Variants in AFF2 observed in about 807,000 individuals in gnomAD.
AFF2 encodes ALF transcription elongation factor 2, also known as AF4/FMR2 family member 2.
AFF2 carries 14 observed loss-of-function variants against 76.9 expected under a neutral mutation model. The ratio of observed to expected loss-of-function variants is 0.18; its 90% confidence interval spans 0.12 to 0.28. AFF2 has a LOEUF of 0.28. AFF2 is among the 10% of genes least tolerant of loss of function. The pLI, the probability that AFF2 is intolerant of heterozygous loss-of-function variation, is 1.00. For synonymous variants in AFF2, 398 were observed against 366.7 expected (o/e 1.09, Z -0.98); for missense variants, 868 against 1,001.1 (o/e 0.87, Z 1.79).
intron 3 of AFF2, among the ~76,000 whole-genome samples, chrX:148,671,798 A>G (rs992763781): frequency 1.2e-4 from 13 of 109,127 alleles, no homozygotes; most frequent in African/African-American, 4.4e-4. Context: ...GGTAACAGCT[A>G]TATGCTGAAT....
In AFF2 at chrX:148,705,275, G is replaced by T. The variant is rs781939793; in HGVS notation, c.1041+42507G>T. On this transcript the variant is annotated intron_variant, in intron 3 of 20. Coordinates refer to ENST00000370460, the MANE Select transcript of AFF2 (RefSeq NM_002025.4). ...AAATGTTTGTGAATCAAGTCAACTG[G>T]AATCAAATGGAATCCAAGTATATAA... Among the ~76,000 whole-genome samples the T allele has an allele frequency of 2.2e-4, 25 of 111,803 alleles. No homozygotes were observed. The East Asian group carries it at 6.5e-3, about 29-fold the overall frequency.
At chrX:148,717,763 CT>C (rs1243085431) in intron 3 of AFF2, among the ~76,000 whole-genome samples, 2 of 111,011 alleles carry the variant, frequency 1.8e-5, no homozygotes, top group Non-Finnish European at 3.8e-5. Context: ...GGCAATGTGC[CT>C]GGATGTGAGT....
At chrX:148,535,672 T>C (rs1441398263) in intron 1 of AFF2, among the ~76,000 whole-genome samples, 1 of 112,368 alleles carries the variant, frequency 8.9e-6, no homozygotes, top group Non-Finnish European at 1.9e-5. Flanking sequence ...ATATGTAGTG[T>C]ATAGAAGATT....
chrX:148,612,488 A>G (rs12391598), intron 1 of AFF2, among the ~76,000 whole-genome samples: 30,710 of 111,431 alleles, frequency 0.28, 3,729 homozygotes, highest in African/African-American at 0.49. Context: ...AAACTAAGAA[A>G]TATATGCAAC....
intron 9 of AFF2, among the ~76,000 whole-genome samples, chrX:148,908,723 T>C (rs2071437303): frequency 8.9e-6 from 1 of 112,332 alleles, no homozygotes; most frequent in Non-Finnish European, 1.9e-5. Flanking sequence ...TATGAACATG[T>C]GTGTGGTTTC....
At chrX:148,853,895 C>A (rs1300707022) in intron 7 of AFF2, among the ~76,000 whole-genome samples, 1 of 111,843 alleles carries the variant, frequency 8.9e-6, no homozygotes, top group Non-Finnish European at 1.9e-5. Context: ...AAACATTGTT[C>A]AATTTAGTAA....
intron 1 of AFF2, among the ~76,000 whole-genome samples, chrX:148,574,422 C>G (rs1557243029): frequency 2.7e-5 from 3 of 111,413 alleles, no homozygotes; most frequent in African/African-American, 9.8e-5. Context: ...GATTCATGGC[C>G]TCTTGTAGTC....
chrX:148,530,879 T>C (rs1027093057), intron 1 of AFF2, among the ~76,000 whole-genome samples: 6 of 111,834 alleles, frequency 5.4e-5, no homozygotes, highest in African/African-American at 1.9e-4. Context: ...TGTTTAATCA[T>C]TTACATTTAG....
At chrX:148,856,899 A>G (rs1416663526) in intron 7 of AFF2, among the ~76,000 whole-genome samples, 3 of 112,542 alleles carry the variant, frequency 2.7e-5, no homozygotes, top group Non-Finnish European at 5.6e-5. Flanking sequence ...AGCCTCTGCC[A>G]TTCTGTGAAA....
At chrX:148,903,682 C>A (rs73612076) in intron 8 of AFF2, among the ~76,000 whole-genome samples, 1,382 of 111,514 alleles carry the variant, frequency 0.012, 19 homozygotes, top group African/African-American at 0.043. Context: ...TCATTCCTTG[C>A]CCTTCTGTGG....
intron 4 of AFF2, among the ~76,000 whole-genome samples, chrX:148,816,135 T>C (rs1217586114): frequency 1.8e-5 from 2 of 111,818 alleles, no homozygotes. Flanking sequence ...AGCATTTTTG[T>C]ACTAGCTTTG....
At position 148,766,646 on chromosome X, in the gene AFF2, T is replaced by G. The variant is rs782431057; in HGVS notation, c.1042-43230T>G. Among the ~76,000 whole-genome samples, 691 of 108,942 alleles carry G rather than the reference T, an allele frequency of 6.3e-3. 7 individuals are homozygous for G. The highest frequency in any genetic ancestry group is 0.022 in the African/African-American group (641 of 29,799). 94.6% of individuals were successfully genotyped at this position (108,942 alleles called of 115,157 possible). ...GTAGGTTGCAAAAATTTTCTCCCATTTTGTAGGTTGCCTGTTCACTCTGAT... is the reference window on the plus strand; with the variant it reads ...GTAGGTTGCAAAAATTTTCTCCCATGTTGTAGGTTGCCTGTTCACTCTGAT... On this transcript the variant is annotated intron_variant, in intron 3 of 20. Coordinates refer to ENST00000370460, the MANE Select transcript of AFF2 (RefSeq NM_002025.4).
chrX:148,977,614 GACACACAC>G (rs140911348), intron 16 of AFF2, among the ~76,000 whole-genome samples: 4,352 of 92,558 alleles, frequency 0.047, 121 homozygotes, highest in African/African-American at 0.094. Flanking sequence ...CCAGCATTTA[GACACACAC>G]ACACACACAC....
At chrX:148,975,671 G>A (rs2341922) in intron 16 of AFF2, among the ~76,000 whole-genome samples, 61,328 of 109,087 alleles carry the variant, frequency 0.56, 15,057 homozygotes, top group East Asian at 0.89. Flanking sequence ...AAGGCCGGGC[G>A]CGGTGGCTCA....
chrX:148,575,616 C>G (rs181740095), intron 1 of AFF2, among the ~76,000 whole-genome samples: 1 of 110,215 alleles, frequency 9.1e-6, no homozygotes, highest in Non-Finnish European at 1.9e-5. Flanking sequence ...CTTTCTTCTT[C>G]CCTGAATATG....
At chrX:148,577,800 G>A (rs782137398) in intron 1 of AFF2, among the ~76,000 whole-genome samples, 1 of 111,441 alleles carries the variant, frequency 9.0e-6, no homozygotes, top group East Asian at 2.9e-4. Flanking sequence ...ATGCTCAGCG[G>A]CATCATCTTT....
intron 3 of AFF2, among the ~76,000 whole-genome samples, chrX:148,681,644 A>G (rs1557259971): frequency 9.2e-6 from 1 of 108,216 alleles, no homozygotes; most frequent in African/African-American, 3.4e-5. Flanking sequence ...AGAAGAGAAA[A>G]AGAAAGAGAA....
intron 3 of AFF2, among the ~76,000 whole-genome samples, chrX:148,685,591 G>A (rs933051493): frequency 9.0e-6 from 1 of 111,522 alleles, no homozygotes; most frequent in East Asian, 2.8e-4. Context: ...TAATTTCTCA[G>A]TGGAGAAATA....
intron 3 of AFF2, among the ~76,000 whole-genome samples, chrX:148,694,444 C>T (rs2054691121): frequency 8.9e-6 from 1 of 111,926 alleles, no homozygotes; most frequent in African/African-American, 3.2e-5. Flanking sequence ...GGGTGTGGGA[C>T]TATTGCATAC....
Sources: gnomAD v4.1 joint callset for allele counts (sites outside exome capture counted in the v4.1 genomes callset) on GRCh38, gnomAD v4.1.1 for gene constraint, MANE v1.5 for transcripts, NCBI Gene and HGNC (gene_info 2026-07-23, HGNC 2026-07-21) for gene names.